Variants in NFAT5 observed in about 807,000 individuals in gnomAD.
The protein encoded by NFAT5 is nuclear factor of activated T-cells 5.
Under a neutral mutation model 166.5 loss-of-function variants are expected in NFAT5, and 31 were observed. The ratio of observed to expected loss-of-function variants is 0.19; its 90% CI spans 0.14 to 0.25. The LOEUF (loss-of-function observed/expected upper bound fraction) is 0.25. Among genes scored for constraint, NFAT5 ranks in the 10% least tolerant of loss-of-function variants. The probability of loss-of-function intolerance (pLI) is 1.00; values close to 1 mark genes in which losing one functional copy is unlikely to be tolerated. For missense variants in NFAT5, 1,449 were observed against 1,821.8 expected, an observed-to-expected ratio of 0.80 and a Z score of 3.72; for synonymous variants, 612 against 639.7, an observed-to-expected ratio of 0.96 and a Z score of 0.65.
At chr16:69,641,932 T>C (rs1431064513) in intron 3 of NFAT5, among the ~76,000 whole-genome samples, 2 of 151,640 alleles carry the variant, frequency 1.3e-5, no homozygotes, top group East Asian at 3.9e-4. Context: ...ACCCTATCTC[T>C]ACAAAAAAAT....
chr16:69,682,460 A>G (rs1485529330), intron 10 of NFAT5, among the ~76,000 whole-genome samples: 1 of 149,966 alleles, frequency 6.7e-6, no homozygotes, highest in African/African-American at 2.4e-5. Flanking sequence ...CCTACAAAGA[A>G]AAAATAATAC....
intron 11 of NFAT5, among the ~76,000 whole-genome samples, chr16:69,688,647 A>G (rs1382256446): frequency 2.0e-5 from 3 of 152,168 alleles, no homozygotes; most frequent in Non-Finnish European, 4.4e-5. Context: ...GATTACAGGC[A>G]TGAGCCAATG....
intron 2 of NFAT5, among the ~76,000 whole-genome samples, chr16:69,621,001 C>T (rs2034171237): frequency 6.6e-6 from 1 of 152,100 alleles, no homozygotes; most frequent in Non-Finnish European, 1.5e-5. Flanking sequence ...ATTTCTTCTT[C>T]TTGTTTACAA....
At chr16:69,640,920 G>C (rs1428237621) in intron 3 of NFAT5, among the ~76,000 whole-genome samples, 1 of 151,654 alleles carries the variant, frequency 6.6e-6, no homozygotes, top group African/African-American at 2.4e-5. Flanking sequence ...GGTAGAGGTT[G>C]CAGTGAGCCA....
intron 2 of NFAT5, among the ~76,000 whole-genome samples, chr16:69,609,997 C>T (rs2033629854): frequency 6.8e-6 from 1 of 148,148 alleles, no homozygotes; most frequent in South Asian, 2.1e-4. Flanking sequence ...CAGAGTGAGA[C>T]AAGAAGAGAG....
intron 10 of NFAT5, among the ~76,000 whole-genome samples, chr16:69,683,793 CT>C (rs2037170355): frequency 6.6e-6 from 1 of 151,954 alleles, no homozygotes; most frequent in Non-Finnish European, 1.5e-5. Context: ...CCCATCTCTA[CT>C]AAAAATACAA....
intron 10 of NFAT5, among the ~76,000 whole-genome samples, chr16:69,680,538 A>T (rs1003603241): frequency 1.3e-5 from 2 of 152,182 alleles, no homozygotes; most frequent in Admixed American, 6.5e-5. Context: ...CTAATTGCCT[A>T]ATTTTGGCCA....
intron 10 of NFAT5, 59 bp from the exon 11 acceptor site, chr16:69,684,828 G>C (rs1201126764): frequency 9.2e-6 from 10 of 1,090,952 alleles, no homozygotes; most frequent in Non-Finnish European, 1.3e-5. Flanking sequence ...AAGAATTTAA[G>C]ATACGAGGTT....
At chr16:69,662,458 T>C (rs1050935247) in intron 7 of NFAT5, among the ~76,000 whole-genome samples, 13 of 142,732 alleles carry the variant, frequency 9.1e-5, no homozygotes, top group African/African-American at 2.6e-4. Context: ...TTCTTTTTTT[T>C]TTTTTTTTTT....
At chr16:69,585,553 C>T (rs907040494) in intron 2 of NFAT5, among the ~76,000 whole-genome samples, 1 of 151,834 alleles carries the variant, frequency 6.6e-6, no homozygotes, top group Non-Finnish European at 1.5e-5. Flanking sequence ...TTACAATAGC[C>T]AAAAGAAGAT....
In NFAT5 at chr16:69,566,987, G is replaced by A. The variant is rs1597321082; in HGVS notation, c.73+613G>A. Reference sequence around the variant, plus strand: ...TTCCTTTCCTCGTCATCTTCTTGCTGGAAAGGGCCCGATGGAAAGGGCCCG... The same window carrying A: ...TTCCTTTCCTCGTCATCTTCTTGCTAGAAAGGGCCCGATGGAAAGGGCCCG... On this transcript the variant is annotated intron_variant, in intron 1 of 14. Coordinates refer to ENST00000349945, the MANE Select transcript of NFAT5 (RefSeq NM_138713.4). The surrounding 1 kb of genome is among the most constrained non-coding windows in gnomAD (Gnocchi z 5.7). Among the ~76,000 whole-genome samples the A allele has an allele frequency of 6.6e-6, 1 of 152,162 alleles. No homozygotes were observed. The highest frequency in any genetic ancestry group is 1.9e-4 in the East Asian group (1 of 5,168).
chr16:69,665,220 T>A (rs765178259), intron 7 of NFAT5, among the ~76,000 whole-genome samples: 1 of 151,750 alleles, frequency 6.6e-6, no homozygotes, highest in African/African-American at 2.4e-5. Context: ...TCATACTGAA[T>A]GGGCAAAAAC....
chr16:69,650,710 T>C (rs1027924970), intron 4 of NFAT5, among the ~76,000 whole-genome samples: 1 of 152,310 alleles, frequency 6.6e-6, no homozygotes, highest in Non-Finnish European at 1.5e-5. Flanking sequence ...TTGATACATA[T>C]GAATTACAAA....
At chr16:69,651,671 A>ATTT (rs5817673) in intron 4 of NFAT5, among the ~76,000 whole-genome samples, 21 of 142,966 alleles carry the variant, frequency 1.5e-4, no homozygotes, top group African/African-American at 3.4e-4. Context: ...ACATACGTGA[A>ATTT]TTTTTTTTTT....
intron 2 of NFAT5, among the ~76,000 whole-genome samples, chr16:69,603,048 TTGTA>T (rs1326933300): frequency 6.6e-6 from 1 of 152,182 alleles, no homozygotes; most frequent in Non-Finnish European, 1.5e-5. Flanking sequence ...ATATTCATGA[TTGTA>T]TGTTACATTT....
chr16:69,615,410 C>T (rs749273425), intron 2 of NFAT5, among the ~76,000 whole-genome samples: 3 of 152,144 alleles, frequency 2.0e-5, no homozygotes, highest in Non-Finnish European at 4.4e-5. Flanking sequence ...TTTAGCAAAA[C>T]AAGACATTCC....
At chr16:69,648,333 T>C (rs1279652858) in intron 4 of NFAT5, 2 of 983,784 alleles carry the variant, frequency 2.0e-6, no homozygotes, top group Non-Finnish European at 2.4e-6. Context: ...AATTTTTTTC[T>C]CTTTAATTGA....
At chr16:69,568,278 C>T (rs910688931) in intron 1 of NFAT5, among the ~76,000 whole-genome samples, 1 of 152,044 alleles carries the variant, frequency 6.6e-6, no homozygotes, top group Non-Finnish European at 1.5e-5. Flanking sequence ...CGAGATCGCA[C>T]CATTGCACTC....
At chr16:69,633,208 T>A (rs1048447003) in intron 3 of NFAT5, among the ~76,000 whole-genome samples, 5 of 152,220 alleles carry the variant, frequency 3.3e-5, no homozygotes, top group Admixed American at 3.3e-4. Context: ...AATATTGTGA[T>A]TTATTCAGTT....
Sources: allele counts gnomAD v4.1 joint callset (sites outside exome capture counted in the v4.1 genomes callset), GRCh38; gene constraint gnomAD v4.1.1; non-coding constraint Gnocchi (gnomAD v3.1); transcripts MANE v1.5; gene names NCBI Gene and HGNC (gene_info 2026-07-23, HGNC 2026-07-21).